CRKL: variants seen among roughly 807,000 people sequenced by gnomAD.
CRKL encodes CRK like proto-oncogene, adaptor protein.
In CRKL, 3 loss-of-function variants were observed where a neutral mutation model predicts 23.0. The ratio of observed to expected loss-of-function variants is 0.13; its 90% confidence interval spans 0.06 to 0.34. CRKL has a LOEUF of 0.34. Ranked by LOEUF, CRKL falls within the 10% of genes least tolerant of loss-of-function variation. CRKL has a pLI of 1.00. For missense variants in CRKL, 256 were observed against 394.5 expected (o/e 0.65, Z 2.97); for synonymous variants, 188 against 160.7 (o/e 1.17, Z -1.28).
At chr22:20,929,024 CAGAAA>C (rs1418338948) in intron 1 of CRKL, among the ~76,000 whole-genome samples, 1 of 152,058 alleles carries the variant, frequency 6.6e-6, no homozygotes, top group African/African-American at 2.4e-5. Flanking sequence ...TCGTTATCAT[CAGAAA>C]AGAAAAGTCA....
In CRKL at chr22:20,946,397, G is replaced by A. The variant is rs182608209; in HGVS notation, c.778-3314G>A. On this transcript the variant is annotated intron_variant, in intron 2 of 2. Transcript: ENST00000354336. ...ATAAAAGGGCTGACTAGTGTCCCTG[G>A]CATATGTGTTTTAGAGTTAATGTGT... 2.9e-3 allele frequency among the ~76,000 whole-genome samples: 435 copies of A among 152,216 alleles called. 1 individual carries two copies. Among genetic ancestry groups the A allele is most frequent in the African/African-American group, 9.3e-3 (387 of 41,534 alleles).
At chr22:20,939,142 A>AGT (rs1040630637) in intron 2 of CRKL, among the ~76,000 whole-genome samples, 22 of 151,506 alleles carry the variant, frequency 1.5e-4, no homozygotes, top group African/African-American at 5.1e-4. Flanking sequence ...AAGTTTATTG[A>AGT]GTGCCTATTA....
intron 1 of CRKL, among the ~76,000 whole-genome samples, chr22:20,919,854 C>T (rs1311917760): frequency 6.6e-6 from 1 of 151,660 alleles, no homozygotes; most frequent in Non-Finnish European, 1.5e-5. Flanking sequence ...AAAAAAAAGC[C>T]ATGACAGTAT....
rs1197627340 is a variant in CRKL, at chr22:20,949,811, T to C, written c.878T>C (p.Ile293Thr). The change falls in exon 3 of 3, where the codon ATC becomes ACC. Residue 293 changes from isoleucine (I) to threonine (T), a missense_variant. Around this residue, in one of 3 missense-constraint regions of CRKL, gnomAD observed 129 missense variants for 222.1 expected, o/e 0.58. Transcript: ENST00000354336. ...CTTTTCCCCTTTACGCACGTCAAAA[T>C]CTTTGACCCTCAAAACCCAGATGAA... ...KGLFPFTHVKIFDPQNPDENE is the reference protein window; with the variant it reads ...KGLFPFTHVKTFDPQNPDENE 6.2e-7 allele frequency: 1 copy of C among 1,610,322 alleles called. No homozygotes were observed. The highest frequency in any genetic ancestry group is 8.5e-7 in the Non-Finnish European group (1 of 1,178,740).
At position 20,949,749 on chromosome 22, in the gene CRKL, T is replaced by G. The variant is rs1171503635; in HGVS notation, c.816T>G (p.Asn272Lys). The G allele has an allele frequency of 6.2e-7, 1 of 1,613,668 alleles. No individual in the cohort carries two copies. Among genetic ancestry groups the G allele is most frequent in the South Asian group, 1.1e-5 (1 of 90,946 alleles). The change falls in exon 3 of 3, where the codon AAT (asparagine) becomes AAG (lysine). Residue 272 changes from asparagine to lysine, a missense_variant. Asn to Lys is a moderately conservative substitution (Grantham distance 94, BLOSUM62 0). This residue lies in a region of CRKL where 129 missense variants were observed against 222.1 expected (regional missense o/e 0.58). Transcript: ENST00000354336. ...TGAAAGTCACAAGGATGAATATAAA[T>G]GGCCAGTGGGAAGGCGAAGTGAACG... ...DIVKVTRMNINGQWEGEVNGR... is the reference protein window; with the variant it reads ...DIVKVTRMNIKGQWEGEVNGR...
intron 2 of CRKL, among the ~76,000 whole-genome samples, chr22:20,940,885 T>A (rs1301220148): frequency 6.6e-6 from 1 of 152,186 alleles, no homozygotes; most frequent in Non-Finnish European, 1.5e-5. Flanking sequence ...ATTAAATTTG[T>A]ATTAGCATTT....
intron 1 of CRKL, among the ~76,000 whole-genome samples, chr22:20,929,434 G>T (rs1921357529): frequency 6.6e-6 from 1 of 151,418 alleles, no homozygotes; most frequent in African/African-American, 2.4e-5. Flanking sequence ...CAAAGTGCTG[G>T]GATTACAGGC....
In CRKL at chr22:20,933,784, C is replaced by A. The variant is rs775637595; in HGVS notation, c.317C>A (p.Pro106Gln). 1 of 1,610,768 alleles carries A rather than the reference C, an allele frequency of 6.2e-7. No individual in the cohort carries two copies. Among genetic ancestry groups the A allele is most frequent in the Non-Finnish European group, 8.5e-7 (1 of 1,177,766 alleles). The change falls in exon 2 of 3, where the codon CCA (proline) becomes CAA (glutamine). Residue 106 changes from proline to glutamine, a missense_variant. By Grantham distance (76) the Pro-to-Gln change is moderately conservative (BLOSUM62 -1). Coordinates refer to ENST00000354336, the MANE Select transcript of CRKL (RefSeq NM_005207.4). ...AATTTTCTTTCTCTCTTAAGGTATC[C>A]AAGCCCACCAATGGGATCTGTCTCA... is the stretch of plus-strand genomic sequence containing the variant. ...TTLIEPAPRY[P>Q]SPPMGSVSAP...
chr22:20,934,982 T>A (rs1921596650), intron 2 of CRKL, among the ~76,000 whole-genome samples: 1 of 151,750 alleles, frequency 6.6e-6, no homozygotes, highest in Non-Finnish European at 1.5e-5. Context: ...CCTGGCTAAT[T>A]TTTTTGTATT....
intron 1 of CRKL, among the ~76,000 whole-genome samples, chr22:20,927,927 C>T (rs1472320441): frequency 2.7e-5 from 4 of 150,318 alleles, no homozygotes; most frequent in Non-Finnish European, 4.4e-5. Flanking sequence ...TTTGGGAGGC[C>T]GAGGGAGGCA....
At position 20,953,450 on chromosome 22, in the gene CRKL, ACAT is replaced by A. The variant is rs754346698; in HGVS notation, c.*3606_*3608del. 1 of 216,088 alleles carries A rather than the reference ACAT, an allele frequency of 4.6e-6. No homozygotes were observed. The highest frequency in any genetic ancestry group is 6.7e-5 in the East Asian group (1 of 14,968). 13.4% of individuals were successfully genotyped at this position (216,088 alleles called of 1,614,324 possible). A position where few individuals can be genotyped will look rare whatever the true frequency, so the allele number is the denominator to read the frequency against. On this transcript the variant is annotated 3_prime_UTR_variant, in exon 3 of 3. Coordinates refer to ENST00000354336, the MANE Select transcript of CRKL (RefSeq NM_005207.4). Reference sequence around the variant, plus strand: ...AACAACAACAACAACAACAACAACAACATAAAACTCTTTTGACCTGTAACTTAA... The same window carrying A: ...AACAACAACAACAACAACAACAACAAAAAACTCTTTTGACCTGTAACTTAA...
Position 20,953,269 on chromosome 22 carries a change from C to T in CRKL, c.*3424C>T, listed in dbSNP as rs1300429021. 3 of 231,382 alleles carry T rather than the reference C, an allele frequency of 1.3e-5. No individual in the cohort carries two copies. Among genetic ancestry groups the T allele is most frequent in the African/African-American group, 4.4e-5 (2 of 45,136 alleles). The allele number at this position is 231,382 out of a possible 1,614,324, so 14.3% of individuals were successfully genotyped here. Reference sequence around the variant, plus strand: ...CTGCCTCAACTCCACCCTCTGCGACCGGAGGACTATGCCCCTAGTAACTGC... The same window carrying T: ...CTGCCTCAACTCCACCCTCTGCGACTGGAGGACTATGCCCCTAGTAACTGC... On this transcript the variant is annotated 3_prime_UTR_variant, in exon 3 of 3. Transcript: ENST00000354336.
intron 1 of CRKL, among the ~76,000 whole-genome samples, chr22:20,927,530 T>A (rs1004870538): frequency 7.3e-5 from 11 of 150,044 alleles, no homozygotes; most frequent in African/African-American, 2.2e-4. Flanking sequence ...TTTTTTTTTT[T>A]AACTGTGAAA....
At position 20,951,164 on chromosome 22, in the gene CRKL, C is replaced by T. The variant is rs1922259277; in HGVS notation, c.*1319C>T. The T allele has an allele frequency of 8.6e-6, 2 of 232,066 alleles. No individual in the cohort carries two copies. Among genetic ancestry groups the T allele is most frequent in the South Asian group, 3.6e-4 (2 of 5,520 alleles). 14.4% of individuals were successfully genotyped at this position (232,066 alleles called of 1,614,324 possible). A position where few individuals can be genotyped will look rare whatever the true frequency, so the allele number is the denominator to read the frequency against. On this transcript the variant is annotated 3_prime_UTR_variant, in exon 3 of 3. Transcript: ENST00000354336. The stretch of plus-strand genomic sequence containing the variant: ...AGAATCGTTGGACTCATTAATGAAT[C>T]GTTCAACTCCACTCACTGAAGCCCA...
chr22:20,949,560 C>A, intron 2 of CRKL, 151 bp from the exon 3 acceptor site: 1 of 1,040,204 alleles, frequency 9.6e-7, no homozygotes, highest in Non-Finnish European at 1.4e-6. Context: ...AGGGATCTCA[C>A]CACTACACTC....
chr22:20,942,244 T>C (rs2147912512), intron 2 of CRKL, among the ~76,000 whole-genome samples: 1 of 152,340 alleles, frequency 6.6e-6, no homozygotes, highest in African/African-American at 2.4e-5. Context: ...TTGTAGCATA[T>C]ATCAAAACTT....
In CRKL at chr22:20,951,989, G is replaced by A. The variant is rs575162167; in HGVS notation, c.*2144G>A. On this transcript the variant is annotated 3_prime_UTR_variant, in exon 3 of 3. Transcript: ENST00000354336. Reference sequence around the variant, plus strand: ...GGCTTATTTTGGGTTCAGGCCTGGCGTAGCACCCACAAGTGGCAGACATAT... The same window carrying A: ...GGCTTATTTTGGGTTCAGGCCTGGCATAGCACCCACAAGTGGCAGACATAT... 9.0e-6 allele frequency: 2 copies of A among 222,748 alleles called. No homozygotes were observed. The highest frequency in any genetic ancestry group is 1.8e-4 in the South Asian group (1 of 5,444). The allele number at this position is 222,748 out of a possible 1,614,324, so 13.8% of individuals were successfully genotyped here.
intron 1 of CRKL, 75 bp downstream of exon 1, chr22:20,918,320 TG>T (rs748497858): frequency 5.7e-5 from 86 of 1,502,304 alleles, no homozygotes; most frequent in Non-Finnish European, 7.7e-5. Flanking sequence ...TATAGGGGGG[TG>T]GGGCGCGCTT....
At chr22:20,930,630 C>T (rs1921409758) in intron 1 of CRKL, among the ~76,000 whole-genome samples, 1 of 151,124 alleles carries the variant, frequency 6.6e-6, no homozygotes, top group Non-Finnish European at 1.5e-5. Flanking sequence ...GATCCTCCCG[C>T]CTCGGCCTCC....
Sources: gnomAD v4.1 joint callset for allele counts (sites outside exome capture counted in the v4.1 genomes callset) on GRCh38, gnomAD v4.1.1 for gene constraint, gnomAD v4.1.1 regional missense constraint, MANE v1.5 for transcripts, NCBI Gene and HGNC (gene_info 2026-07-23, HGNC 2026-07-21) for gene names.